Variants in UBE2D1 observed in about 807,000 individuals in gnomAD.
The protein encoded by UBE2D1 is ubiquitin conjugating enzyme E2 D1.
Under a neutral mutation model 24.6 loss-of-function variants are expected in UBE2D1, and 9 were observed. That is an observed-to-expected ratio of 0.37 (90% CI 0.22 to 0.64). The LOEUF (loss-of-function observed/expected upper bound fraction) is 0.64, where lower values mean the gene tolerates loss of function less well. UBE2D1 is among the 30% of genes least tolerant of loss of function. The pLI, the probability that UBE2D1 is intolerant of heterozygous loss-of-function variation, is 0.64. For missense variants in UBE2D1, 87 were observed against 177.1 expected (o/e 0.49, Z 2.89); for synonymous variants, 57 against 57.6 (o/e 0.99, Z 0.04).
intron 1 of UBE2D1, among the ~76,000 whole-genome samples, chr10:58,352,441 A>G (rs1564559857): frequency 6.6e-6 from 1 of 151,942 alleles, no homozygotes; most frequent in Non-Finnish European, 1.5e-5. Context: ...TCCTACTTGT[A>G]ATAACTGGCA....
At chr10:58,364,290 G>A (rs41307528) in intron 4 of UBE2D1, among the ~76,000 whole-genome samples, 18,748 of 152,114 alleles carry the variant, frequency 0.12, 2,522 homozygotes, top group African/African-American at 0.34. Flanking sequence ...TTATGAAATG[G>A]TATGACAACT....
chr10:58,367,395 T>TA (rs980304588), intron 5 of UBE2D1, among the ~76,000 whole-genome samples: 1 of 152,186 alleles, frequency 6.6e-6, no homozygotes, highest in Non-Finnish European at 1.5e-5. Context: ...ATTTCTTTTT[T>TA]AAAATATGCA....
At chr10:58,360,072 A>G (rs1840177534) in intron 1 of UBE2D1, among the ~76,000 whole-genome samples, 1 of 152,022 alleles carries the variant, frequency 6.6e-6, no homozygotes, top group Non-Finnish European at 1.5e-5. Flanking sequence ...CCCCTACCTA[A>G]TGCATTTGGT....
chr10:58,350,150 A>G (rs1037623367), intron 1 of UBE2D1, among the ~76,000 whole-genome samples: 5 of 152,190 alleles, frequency 3.3e-5, no homozygotes, highest in African/African-American at 1.2e-4. Context: ...TCTGTTGGGT[A>G]TATACTTAGC....
intron 6 of UBE2D1, 44 bp downstream of exon 6, chr10:58,368,060 T>C: frequency 7.4e-7 from 1 of 1,352,152 alleles, no homozygotes; most frequent in Non-Finnish European, 1.0e-6. Context: ...TACATTCCTA[T>C]ATAGTATGCC....
chr10:58,345,646 A>G (rs981290037), intron 1 of UBE2D1, among the ~76,000 whole-genome samples: 5 of 152,230 alleles, frequency 3.3e-5, no homozygotes, highest in African/African-American at 9.6e-5. Flanking sequence ...GGAAAGTACC[A>G]AACAGAAAAT....
At chr10:58,339,987 C>T (rs1298587239) in intron 1 of UBE2D1, among the ~76,000 whole-genome samples, 1 of 152,110 alleles carries the variant, frequency 6.6e-6, no homozygotes, top group Non-Finnish European at 1.5e-5. Context: ...ATAAAGCTTT[C>T]TGTCTAATGT....
chr10:58,335,520 G>A (rs1316066988), intron 1 of UBE2D1, among the ~76,000 whole-genome samples: 1 of 152,254 alleles, frequency 6.6e-6, no homozygotes, highest in Non-Finnish European at 1.5e-5. Flanking sequence ...AGACCGTCCC[G>A]AAATCTGTGC....
In UBE2D1 at chr10:58,368,848, A is replaced by G; in HGVS notation, c.*83A>G. 1.1e-6 allele frequency: 1 copy of G among 904,352 alleles called. No individual in the cohort carries two copies. Among genetic ancestry groups the G allele is most frequent in the Non-Finnish European group, 1.7e-6 (1 of 605,048 alleles). 56.0% of individuals were successfully genotyped at this position (904,352 alleles called of 1,614,324 possible). ...ATTAGCAGTAAATTGAGCACTGTTT[A>G]CTGTTTCATTGTACCATGAAACCAT... is the stretch of plus-strand genomic sequence containing the variant. On this transcript the variant is annotated 3_prime_UTR_variant, in exon 7 of 7. Coordinates refer to ENST00000373910, the MANE Select transcript of UBE2D1 (RefSeq NM_003338.5).
chr10:58,358,230 ATTAACAAT>A (rs1205556389), intron 1 of UBE2D1, among the ~76,000 whole-genome samples: 1 of 152,196 alleles, frequency 6.6e-6, no homozygotes, highest in African/African-American at 2.4e-5. Context: ...CATGCAAGTC[ATTAACAAT>A]TTTTTAAAAC....
In UBE2D1 at chr10:58,335,098, C is replaced by G; in HGVS notation, c.-104C>G. Reference sequence around the variant, plus strand: ...AGCGGCTAACCGGGGACCCACCGCGCGGAGCCAGCCTAGCTGCCAGCGAGC... The same window carrying G: ...AGCGGCTAACCGGGGACCCACCGCGGGGAGCCAGCCTAGCTGCCAGCGAGC... On this transcript the variant is annotated 5_prime_UTR_variant, in exon 1 of 7. Coordinates refer to ENST00000373910, the MANE Select transcript of UBE2D1 (RefSeq NM_003338.5). 7.7e-7 allele frequency: 1 copy of G among 1,300,762 alleles called. No homozygotes were observed. Among genetic ancestry groups the G allele is most frequent in the East Asian group, 2.7e-5 (1 of 36,792 alleles). 80.6% of individuals were successfully genotyped at this position (1,300,762 alleles called of 1,614,324 possible). A position where few individuals can be genotyped will look rare whatever the true frequency, so the allele number is the denominator to read the frequency against.
At chr10:58,361,795 CTTTT>C (rs770860227) in intron 3 of UBE2D1, among the ~76,000 whole-genome samples, 2 of 131,342 alleles carry the variant, frequency 1.5e-5, no homozygotes, top group Admixed American at 7.6e-5. Context: ...GTGTGTTTAT[CTTTT>C]TTTTTTTTTT....
intron 1 of UBE2D1, among the ~76,000 whole-genome samples, chr10:58,351,567 C>T (rs1040284087): frequency 1.4e-4 from 22 of 152,338 alleles, no homozygotes; most frequent in Admixed American, 5.2e-4. Flanking sequence ...ATGGAGTTGT[C>T]GTCTCCTCTG....
At chr10:58,357,551 A>C (rs1240265588) in intron 1 of UBE2D1, among the ~76,000 whole-genome samples, 1 of 152,062 alleles carries the variant, frequency 6.6e-6, no homozygotes, top group Non-Finnish European at 1.5e-5. Context: ...CACATCTCAA[A>C]ATTTTCCAAA....
chr10:58,361,641 C>T, intron 3 of UBE2D1, 115 bp downstream of exon 3: 1 of 1,366,418 alleles, frequency 7.3e-7, no homozygotes, highest in Middle Eastern at 2.6e-4. Flanking sequence ...CTTTGAATCA[C>T]CTAGGAAGCA....
At chr10:58,339,766 T>TA (rs1839943516) in intron 1 of UBE2D1, among the ~76,000 whole-genome samples, 1 of 152,042 alleles carries the variant, frequency 6.6e-6, no homozygotes. Context: ...TCCTTTTTTT[T>TA]TTTTTCAGTC....
At chr10:58,346,651 G>A (rs1215174716) in intron 1 of UBE2D1, among the ~76,000 whole-genome samples, 12 of 152,182 alleles carry the variant, frequency 7.9e-5, no homozygotes, top group Admixed American at 6.5e-4. Context: ...CTGGGGAAAA[G>A]TGTTGCAGAT....
intron 1 of UBE2D1, among the ~76,000 whole-genome samples, chr10:58,359,666 C>G (rs1840173134): frequency 6.6e-6 from 1 of 152,176 alleles, no homozygotes; most frequent in Non-Finnish European, 1.5e-5. Context: ...GGGTTTGAAT[C>G]CCAGTTCCGC....
intron 5 of UBE2D1, 53 bp from the exon 6 acceptor site, chr10:58,367,870 T>A: frequency 8.2e-7 from 1 of 1,220,988 alleles, no homozygotes; most frequent in Non-Finnish European, 1.2e-6. Flanking sequence ...CATATGTAAT[T>A]TGTATGAAGT....
Sources: allele counts gnomAD v4.1 joint callset (sites outside exome capture counted in the v4.1 genomes callset), GRCh38; gene constraint gnomAD v4.1.1; transcripts MANE v1.5; gene names NCBI Gene and HGNC (gene_info 2026-07-23, HGNC 2026-07-21).